Variants in PRKCI observed in about 807,000 individuals in gnomAD.
PRKCI encodes the protein protein kinase C iota.
Under a neutral mutation model 84.0 loss-of-function variants are expected in PRKCI, and 43 were observed. The ratio of observed to expected loss-of-function variants is 0.51; its 90% CI spans 0.40 to 0.66. The LOEUF is 0.66. PRKCI is among the 30% of genes least tolerant of loss of function. The pLI, the probability that PRKCI is intolerant of heterozygous loss-of-function variation, is 0.00. For synonymous variants in PRKCI, 216 were observed against 234.4 expected, an observed-to-expected ratio of 0.92 and a Z score of 0.72; for missense variants, 459 against 745.6, an observed-to-expected ratio of 0.62 and a Z score of 4.48.
intron 1 of PRKCI, 49 bp from the exon 2 acceptor site, chr3:170,235,181 A>G (rs370076127): frequency 3.2e-6 from 5 of 1,571,632 alleles, no homozygotes; most frequent in Non-Finnish European, 3.5e-6. Context: ...TATATACAGC[A>G]TTATTATTTT....
chr3:170,241,804 G>T (rs1030489427), intron 2 of PRKCI, among the ~76,000 whole-genome samples: 8 of 148,106 alleles, frequency 5.4e-5, no homozygotes, highest in African/African-American at 2.1e-4. Flanking sequence ...TTAGCTACAG[G>T]TGTGTACCAC....
chr3:170,240,108 G>A (rs1001102106), intron 2 of PRKCI, among the ~76,000 whole-genome samples: 1 of 152,040 alleles, frequency 6.6e-6, no homozygotes, highest in African/African-American at 2.4e-5. Context: ...GCTGCAGTGA[G>A]CCATGATTGT....
At chr3:170,241,954 A>G (rs1156379161) in intron 2 of PRKCI, among the ~76,000 whole-genome samples, 1 of 152,058 alleles carries the variant, frequency 6.6e-6, no homozygotes, top group Non-Finnish European at 1.5e-5. Context: ...TACTAAAAGT[A>G]CAAAATTAGC....
chr3:170,254,766 A>G (rs898816921), intron 2 of PRKCI, among the ~76,000 whole-genome samples: 3 of 152,074 alleles, frequency 2.0e-5, no homozygotes, highest in African/African-American at 4.8e-5. Context: ...TGATCCCTCC[A>G]GTTTTGTTCT....
In PRKCI at chr3:170,281,129, T is replaced by C. The variant is rs369278406; in HGVS notation, c.883-37T>C. On this transcript the variant is annotated intron_variant, in intron 9 of 17. Transcript: ENST00000295797. ...AGCAAATTTATCATTAATTGTGATA[T>C]CAGTTTGACATAGATTTCTTACATG... is the stretch of plus-strand genomic sequence containing the variant. 4.1e-5 allele frequency: 63 copies of C among 1,520,592 alleles called. No individual in the cohort carries two copies. The African/African-American group carries it at 6.7e-4, about 16-fold the overall frequency. The allele number at this position is 1,520,592 out of a possible 1,614,324, so 94.2% of individuals were successfully genotyped here. A position where few individuals can be genotyped will look rare whatever the true frequency, so the allele number is the denominator to read the frequency against.
At chr3:170,249,547 T>G (rs912819849) in intron 2 of PRKCI, among the ~76,000 whole-genome samples, 2 of 151,748 alleles carry the variant, frequency 1.3e-5, no homozygotes, top group Non-Finnish European at 1.5e-5. Flanking sequence ...CCAGCACTTT[T>G]GGAGACCAAG....
At chr3:170,258,576 A>G (rs935957006) in intron 2 of PRKCI, among the ~76,000 whole-genome samples, 18 of 152,212 alleles carry the variant, frequency 1.2e-4, no homozygotes, top group African/African-American at 4.1e-4. Context: ...TGTTGGGATT[A>G]CAGGCCACCA....
At chr3:170,232,417 G>A (rs1456189827) in intron 1 of PRKCI, among the ~76,000 whole-genome samples, 1 of 151,908 alleles carries the variant, frequency 6.6e-6, no homozygotes, top group Non-Finnish European at 1.5e-5. Context: ...CCAGGCTAGA[G>A]TGCAATGACA....
At chr3:170,296,070 G>A (rs1367843179) in intron 15 of PRKCI, 80 bp downstream of exon 15, 2 of 794,040 alleles carry the variant, frequency 2.5e-6, no homozygotes, top group East Asian at 3.0e-5. Context: ...TTTGGGAAAT[G>A]TAAAATTCCA....
In PRKCI at chr3:170,222,579, T is replaced by C. The variant is rs1478229473; in HGVS notation, c.-91T>C. The C allele has an allele frequency of 8.6e-7, 1 of 1,169,024 alleles. No homozygotes were observed. Among genetic ancestry groups the C allele is most frequent in the Non-Finnish European group, 1.2e-6 (1 of 854,820 alleles). 72.4% of individuals were successfully genotyped at this position (1,169,024 alleles called of 1,614,324 possible). On this transcript the variant is annotated 5_prime_UTR_variant, in exon 1 of 18. Coordinates refer to ENST00000295797, the MANE Select transcript of PRKCI (RefSeq NM_002740.6). ...GTAGGTGGGCGGACGGCCGCGGTTC[T>C]CCGGCAAGCGCAGGCGGCGGAGTCC...
chr3:170,239,414 T>G (rs1416442740), intron 2 of PRKCI, among the ~76,000 whole-genome samples: 3 of 152,220 alleles, frequency 2.0e-5, no homozygotes, highest in Non-Finnish European at 4.4e-5. Context: ...TTATCATAAA[T>G]GAATATTCTT....
chr3:170,233,806 C>T (rs988442129), intron 1 of PRKCI, among the ~76,000 whole-genome samples: 22 of 152,060 alleles, frequency 1.4e-4, no homozygotes, highest in Admixed American at 5.9e-4. Flanking sequence ...CTGCAGCCTC[C>T]GCCTCCTGGG....
chr3:170,239,222 T>A (rs1483566454), intron 2 of PRKCI, among the ~76,000 whole-genome samples: 1 of 152,202 alleles, frequency 6.6e-6, no homozygotes, highest in African/African-American at 2.4e-5. Flanking sequence ...TATTTCAAAT[T>A]TTGCATTAAG....
At chr3:170,258,554 G>A (rs565462050) in intron 2 of PRKCI, among the ~76,000 whole-genome samples, 16 of 152,002 alleles carry the variant, frequency 1.1e-4, no homozygotes, top group Admixed American at 5.9e-4. Flanking sequence ...CGCCTGCCTC[G>A]GCCTCGCAAA....
In PRKCI at chr3:170,297,247, T is replaced by A. The variant is rs576780689; in HGVS notation, c.1498-57T>A. ...GGGCACACAACACAGATCACAAAGA[T>A]GATTTATTTTAAAGCATGACATTCA... On this transcript the variant is annotated intron_variant, in intron 15 of 17. Coordinates refer to ENST00000295797, the MANE Select transcript of PRKCI (RefSeq NM_002740.6). 1.3e-5 allele frequency: 18 copies of A among 1,369,890 alleles called. No individual in the cohort carries two copies. In the South Asian group the frequency reaches 2.1e-4, roughly 16 times the overall value. The allele number at this position is 1,369,890 out of a possible 1,614,324, so 84.9% of individuals were successfully genotyped here.
intron 7 of PRKCI, among the ~76,000 whole-genome samples, chr3:170,273,674 G>T (rs1171130724): frequency 2.6e-5 from 4 of 151,464 alleles, no homozygotes; most frequent in African/African-American, 9.7e-5. Flanking sequence ...AATTAGCAGG[G>T]TGTGGTGGCA....
chr3:170,244,970 G>A (rs919968907), intron 2 of PRKCI: 1 of 152,140 alleles, frequency 6.6e-6, no homozygotes, highest in Non-Finnish European at 1.5e-5. Flanking sequence ...AATGGATCAG[G>A]GAAGGGAGAT....
At chr3:170,226,037 C>A (rs1006756490) in intron 1 of PRKCI, among the ~76,000 whole-genome samples, 2 of 151,962 alleles carry the variant, frequency 1.3e-5, no homozygotes, top group East Asian at 3.9e-4. Context: ...GGCTGCCTCC[C>A]GAGTAGGTGG....
At chr3:170,274,414 A>G (rs1336787253) in intron 7 of PRKCI, among the ~76,000 whole-genome samples, 2 of 152,202 alleles carry the variant, frequency 1.3e-5, no homozygotes, top group Non-Finnish European at 2.9e-5. Context: ...GATTACAGGC[A>G]TGAGCCATGG....
Sources: gnomAD v4.1 joint callset for allele counts (sites outside exome capture counted in the v4.1 genomes callset) on GRCh38, gnomAD v4.1.1 for gene constraint, MANE v1.5 for transcripts, NCBI Gene and HGNC (gene_info 2026-07-23, HGNC 2026-07-21) for gene names.